ASAP1: variants seen among roughly 807,000 people sequenced by gnomAD.
ASAP1 encodes the protein ArfGAP with SH3 domain, ankyrin repeat and PH domain 1, also known as arf-GAP with SH3 domain, ANK repeat and PH domain-containing protein 1.
In ASAP1, 43 loss-of-function variants were observed where a neutral mutation model predicts 145.2. The observed-to-expected ratio is 0.30, with a 90% CI of 0.23 to 0.38. The LOEUF (loss-of-function observed/expected upper bound fraction) is 0.38, where lower values mean the gene tolerates loss of function less well. ASAP1 is among the 10% of genes least tolerant of loss of function. The pLI, the probability that ASAP1 is intolerant of heterozygous loss-of-function variation, is 1.00. For synonymous variants in ASAP1, 546 were observed against 515.5 expected (o/e 1.06, Z -0.80); for missense variants, 1,018 against 1,355.3 (o/e 0.75, Z 3.91).
At chr8:130,137,597 A>G (rs2097598026) in intron 13 of ASAP1, among the ~76,000 whole-genome samples, 1 of 152,206 alleles carries the variant, frequency 6.6e-6, no homozygotes, top group South Asian at 2.1e-4. Context: ...CATGGATTCA[A>G]CAAATTTTGG....
intron 4 of ASAP1, among the ~76,000 whole-genome samples, chr8:130,232,550 C>T (rs950473358): frequency 2.7e-5 from 4 of 150,898 alleles, no homozygotes; most frequent in African/African-American, 7.3e-5. Flanking sequence ...TCCTCATACA[C>T]AACAAGGAAA....
intron 5 of ASAP1, among the ~76,000 whole-genome samples, chr8:130,200,173 A>G (rs1815774081): frequency 6.6e-6 from 1 of 152,224 alleles, no homozygotes; most frequent in Non-Finnish European, 1.5e-5. Flanking sequence ...CAGTAACTAA[A>G]TAATATATAA....
intron 1 of ASAP1, among the ~76,000 whole-genome samples, chr8:130,429,439 C>T (rs1340234395): frequency 6.6e-6 from 1 of 152,162 alleles, no homozygotes; most frequent in East Asian, 1.9e-4. Flanking sequence ...AAGTCTTATT[C>T]TCTCCATTTG....
intron 1 of ASAP1, among the ~76,000 whole-genome samples, chr8:130,429,116 T>C (rs1026674839): frequency 1.3e-5 from 2 of 152,224 alleles, no homozygotes; most frequent in African/African-American, 4.8e-5. Flanking sequence ...CATATCTGCC[T>C]CTAGGTCCTA....
intron 3 of ASAP1, among the ~76,000 whole-genome samples, chr8:130,302,723 C>A (rs979183614): frequency 2.0e-5 from 3 of 152,182 alleles, no homozygotes; most frequent in Admixed American, 2.0e-4. Flanking sequence ...AAACGGTTCT[C>A]TGGAGAAAAG....
chr8:130,311,352 A>G (rs1185559261), intron 3 of ASAP1, among the ~76,000 whole-genome samples: 1 of 152,266 alleles, frequency 6.6e-6, no homozygotes, highest in Non-Finnish European at 1.5e-5. Flanking sequence ...CGTCTAAAAT[A>G]ACAATAGCCT....
At chr8:130,140,413 T>G (rs1035882939) in intron 13 of ASAP1, among the ~76,000 whole-genome samples, 5 of 151,978 alleles carry the variant, frequency 3.3e-5, no homozygotes, top group African/African-American at 1.2e-4. Flanking sequence ...GAATGTTTAT[T>G]ATGTAGGTAA....
chr8:130,231,044 C>T (rs1374383961), intron 4 of ASAP1, among the ~76,000 whole-genome samples: 2 of 152,168 alleles, frequency 1.3e-5, no homozygotes, highest in African/African-American at 4.8e-5. Flanking sequence ...GTTACAAAAA[C>T]ATTTGCTTCC....
chr8:130,108,230 T>C (rs1395196938), intron 24 of ASAP1, among the ~76,000 whole-genome samples: 2 of 152,216 alleles, frequency 1.3e-5, no homozygotes, highest in African/African-American at 4.8e-5. Flanking sequence ...CAAATGTGTA[T>C]GAAATGAAGA....
At chr8:130,348,066 C>T (rs990245521) in intron 3 of ASAP1, among the ~76,000 whole-genome samples, 3 of 152,136 alleles carry the variant, frequency 2.0e-5, no homozygotes, top group Non-Finnish European at 4.4e-5. Flanking sequence ...ACAGAATGTG[C>T]GTCATAATAA....
chr8:130,205,859 G>A (rs991397408), intron 5 of ASAP1, among the ~76,000 whole-genome samples: 4 of 151,968 alleles, frequency 2.6e-5, no homozygotes, highest in Non-Finnish European at 5.9e-5. Context: ...TCTGAATTTT[G>A]AAACAAATCT....
rs568095315 is a variant in ASAP1 at position 130,378,996 on chromosome 8, C to T, written c.60-20853G>A. Among the ~76,000 whole-genome samples, 15 of 152,252 alleles carry T rather than the reference C, an allele frequency of 9.9e-5. No individual in the cohort carries two copies. In the East Asian group the frequency reaches 2.7e-3, roughly 27 times the overall value. The stretch of plus-strand genomic sequence containing the variant: ...ACTTCTGGCACAGAACTCTTGCAGC[C>T]TCCTGAGTGGTAAGAGTGTCTTCTG... On this transcript the variant is annotated intron_variant, in intron 2 of 29. Transcript: ENST00000518721.
chr8:130,239,233 A>G (rs1190924724), intron 3 of ASAP1, among the ~76,000 whole-genome samples: 2 of 152,132 alleles, frequency 1.3e-5, no homozygotes, highest in African/African-American at 4.8e-5. Context: ...GTATTACTGA[A>G]AAGATTTAAG....
chr8:130,311,343 G>A (rs1392765456), intron 3 of ASAP1, among the ~76,000 whole-genome samples: 2 of 152,178 alleles, frequency 1.3e-5, no homozygotes, highest in East Asian at 1.9e-4. Flanking sequence ...AGAAATTTAC[G>A]TCTAAAATAA....
chr8:130,188,820 GTA>G (rs1230883034), intron 5 of ASAP1, among the ~76,000 whole-genome samples: 2 of 151,498 alleles, frequency 1.3e-5, no homozygotes, highest in East Asian at 3.9e-4. Flanking sequence ...TACAGTACAC[GTA>G]TATGTGTACA....
At chr8:130,253,869 A>C (rs1424912738) in intron 3 of ASAP1, among the ~76,000 whole-genome samples, 3 of 152,162 alleles carry the variant, frequency 2.0e-5, no homozygotes, top group African/African-American at 7.2e-5. Flanking sequence ...AAAAATATAA[A>C]AATTAGCCAG....
intron 3 of ASAP1, among the ~76,000 whole-genome samples, chr8:130,352,312 T>A (rs985713790): frequency 5.3e-5 from 8 of 152,010 alleles, no homozygotes; most frequent in Non-Finnish European, 5.9e-5. Context: ...CCTATTAAGT[T>A]TACCAGCTTT....
rs565525997 is a variant in ASAP1, at chr8:130,128,038, G to A, written c.1270C>T (p.Arg424Cys). Residue 424 changes from arginine to cysteine, a missense_variant, in exon 16 of 30, where the codon CGT (arginine) becomes TGT (cysteine). Around this residue, in one of 9 missense-constraint regions of ASAP1, gnomAD observed 153 missense variants for 221.6 expected, o/e 0.69. Transcript: ENST00000518721. Reference sequence around the variant, plus strand: ...TTCTCTCCCGCACTCTGCTCTCCACGGAAGGCCATGGTTAGGGCCTCTTCT... The same window carrying A: ...TTCTCTCCCGCACTCTGCTCTCCACAGAAGGCCATGGTTAGGGCCTCTTCT... ...SKEEALTMAF[R>C]GEQSAGENSL... is the part of the protein sequence containing the mutation. 6 of 1,613,256 alleles carry A rather than the reference G, an allele frequency of 3.7e-6. No individual in the cohort carries two copies. The African/African-American group carries it at 4.0e-5, about 11-fold the overall frequency.
intron 5 of ASAP1, among the ~76,000 whole-genome samples, chr8:130,199,749 T>C (rs1360944458): frequency 6.6e-6 from 1 of 152,064 alleles, no homozygotes; most frequent in Admixed American, 6.6e-5. Context: ...GCAGAAAAAA[T>C]TCCACCTCAA....
Sources: allele counts gnomAD v4.1 joint callset (sites outside exome capture counted in the v4.1 genomes callset), GRCh38; gene constraint gnomAD v4.1.1; regional missense constraint gnomAD v4.1.1; transcripts MANE v1.5; gene names NCBI Gene and HGNC (gene_info 2026-07-23, HGNC 2026-07-21).